SESN1: variants seen among roughly 807,000 people sequenced by gnomAD.
The protein encoded by SESN1 is sestrin-1.
Under a neutral mutation model 59.3 loss-of-function variants are expected in SESN1, and 30 were observed. The ratio of observed to expected loss-of-function variants is 0.51; its 90% CI spans 0.38 to 0.69. The LOEUF is 0.69. Among genes scored for constraint, SESN1 ranks in the 30% least tolerant of loss-of-function variants. The pLI, the probability that SESN1 is intolerant of heterozygous loss-of-function variation, is 0.00. For synonymous variants in SESN1, 197 were observed against 219.9 expected (o/e 0.90, Z 0.92); for missense variants, 566 against 673.0 (o/e 0.84, Z 1.76).
chr6:109,047,955 T>G (rs1052919984), intron 1 of SESN1, among the ~76,000 whole-genome samples: 8 of 147,036 alleles, frequency 5.4e-5, no homozygotes, highest in African/African-American at 1.7e-4. Flanking sequence ...ACACAAACAC[T>G]GCGGAAGGCC....
intron 1 of SESN1, among the ~76,000 whole-genome samples, chr6:109,063,482 C>T (rs1780764700): frequency 6.6e-6 from 1 of 152,120 alleles, no homozygotes; most frequent in Non-Finnish European, 1.5e-5. Flanking sequence ...TTCATGGAGA[C>T]AGAGCAATCA....
chr6:109,040,749 T>A (rs1780326623), intron 1 of SESN1, among the ~76,000 whole-genome samples: 1 of 150,716 alleles, frequency 6.6e-6, no homozygotes, highest in African/African-American at 2.4e-5. Flanking sequence ...GCCTCCTGGG[T>A]TCAAGCGATT....
chr6:109,044,927 G>T (rs749823559), intron 1 of SESN1, among the ~76,000 whole-genome samples: 13 of 151,980 alleles, frequency 8.6e-5, no homozygotes, highest in Non-Finnish European at 1.0e-4. Flanking sequence ...GGCAGCTGAG[G>T]CAAGAGAATC....
At chr6:109,065,250 G>A (rs1562472454) in intron 1 of SESN1, among the ~76,000 whole-genome samples, 1 of 149,078 alleles carries the variant, frequency 6.7e-6, no homozygotes, top group Non-Finnish European at 1.5e-5. Flanking sequence ...TGTTCTTATA[G>A]GTTTATAAAA....
chr6:109,011,311 G>A (rs1779854413), intron 1 of SESN1, among the ~76,000 whole-genome samples: 1 of 152,154 alleles, frequency 6.6e-6, no homozygotes, highest in East Asian at 1.9e-4. Context: ...AATTGTATAG[G>A]AAGCTCCAAT....
intron 1 of SESN1, among the ~76,000 whole-genome samples, chr6:109,039,687 T>C (rs1341222871): frequency 6.6e-6 from 1 of 152,258 alleles, no homozygotes; most frequent in African/African-American, 2.4e-5. Context: ...CTAACCCAAA[T>C]GGCGAAATGA....
rs553485757 is a variant in SESN1, at chr6:109,041,573, T to G, written c.280-39230A>C. On this transcript the variant is annotated intron_variant, in intron 1 of 9. Transcript: ENST00000436639. ...TATATTAATACCAAATAAAGTAGAC[T>G]TCAGAGCAAAGAAAATTACCAGAGA... is the stretch of plus-strand genomic sequence containing the variant. Among the ~76,000 whole-genome samples the G allele has an allele frequency of 6.6e-5, 10 of 152,162 alleles. No individual in the cohort carries two copies. In the South Asian group the frequency reaches 2.1e-3, roughly 32 times the overall value.
At chr6:109,032,670 C>T (rs1241842408) in intron 1 of SESN1, among the ~76,000 whole-genome samples, 1 of 151,836 alleles carries the variant, frequency 6.6e-6, no homozygotes, top group African/African-American at 2.4e-5. Flanking sequence ...ACATATATAA[C>T]CATGCTAAAA....
chr6:109,073,766 G>A (rs1190582164), intron 1 of SESN1, among the ~76,000 whole-genome samples: 1 of 152,216 alleles, frequency 6.6e-6, no homozygotes, highest in Non-Finnish European at 1.5e-5. Flanking sequence ...AGACATTTCA[G>A]AGAGTACAGT....
intron 1 of SESN1, among the ~76,000 whole-genome samples, chr6:109,053,785 C>G (rs535940461): frequency 6.6e-6 from 1 of 152,276 alleles, no homozygotes; most frequent in East Asian, 1.9e-4. Flanking sequence ...GACGAACACT[C>G]GCTCAGTTTT....
At chr6:109,057,570 C>T (rs1443168171) in intron 1 of SESN1, among the ~76,000 whole-genome samples, 1 of 152,186 alleles carries the variant, frequency 6.6e-6, no homozygotes, top group African/African-American at 2.4e-5. Context: ...TCCTCTTATT[C>T]AAGGATCTAC....
At chr6:108,997,164 T>C (rs1255636971) in intron 5 of SESN1, among the ~76,000 whole-genome samples, 2 of 152,192 alleles carry the variant, frequency 1.3e-5, no homozygotes, top group African/African-American at 4.8e-5. Flanking sequence ...ATAAACCTTC[T>C]AAAAGTATCC....
intron 5 of SESN1, among the ~76,000 whole-genome samples, chr6:108,997,809 C>T (rs914844131): frequency 6.6e-6 from 1 of 152,092 alleles, no homozygotes; most frequent in African/African-American, 2.4e-5. Flanking sequence ...AAAATAAACC[C>T]TTGCTTTTTC....
intron 1 of SESN1, among the ~76,000 whole-genome samples, chr6:109,092,014 A>C (rs1781323301): frequency 6.6e-6 from 1 of 152,262 alleles, no homozygotes; most frequent in Non-Finnish European, 1.5e-5. Flanking sequence ...TGCTTATAAC[A>C]CAATATAAGT....
intron 1 of SESN1, among the ~76,000 whole-genome samples, chr6:109,006,066 T>G (rs1262527828): frequency 2.0e-5 from 3 of 152,146 alleles, no homozygotes; most frequent in African/African-American, 7.2e-5. Flanking sequence ...TGATAATAAA[T>G]AGCAATAGCA....
chr6:109,036,676 CCT>C (rs935681330), intron 1 of SESN1, among the ~76,000 whole-genome samples: 1 of 152,056 alleles, frequency 6.6e-6, no homozygotes, highest in Non-Finnish European at 1.5e-5. Flanking sequence ...AGTTTCTTTT[CCT>C]GTTAACTTTC....
intron 1 of SESN1, among the ~76,000 whole-genome samples, chr6:109,033,824 G>T (rs185946389): frequency 6.6e-6 from 1 of 152,166 alleles, no homozygotes; most frequent in Admixed American, 6.5e-5. Context: ...CAAGCTTTTA[G>T]TTAACAGTGC....
In SESN1 at chr6:109,094,605, T is replaced by C. The variant is rs1781447910; in HGVS notation, c.-532A>G. ...GCCGGCCGGCGCCGGCAGGGAAGGC[T>C]CGCCGAACCCTGGCCCACTGGCCGC... is the stretch of plus-strand genomic sequence containing the variant. On this transcript the variant is annotated 5_prime_UTR_variant, in exon 1 of 10. Transcript: ENST00000436639. 6.6e-6 allele frequency: 1 copy of C among 151,852 alleles called. No homozygotes were observed. The highest frequency in any genetic ancestry group is 2.4e-5 in the African/African-American group (1 of 41,164). The allele number at this position is 151,852 out of a possible 1,614,324, so 9.4% of individuals were successfully genotyped here.
At chr6:109,006,946 T>A (rs1345749495) in intron 1 of SESN1, among the ~76,000 whole-genome samples, 2 of 152,160 alleles carry the variant, frequency 1.3e-5, no homozygotes, top group Non-Finnish European at 2.9e-5. Flanking sequence ...CAATCCAGAT[T>A]CTAGGAGACA....
Sources: gnomAD v4.1 joint callset for allele counts (sites outside exome capture counted in the v4.1 genomes callset) on GRCh38, gnomAD v4.1.1 for gene constraint, MANE v1.5 for transcripts, NCBI Gene and HGNC (gene_info 2026-07-23, HGNC 2026-07-21) for gene names.